Variants in TBXAS1 observed in about 807,000 individuals in gnomAD.
TBXAS1 encodes thromboxane A synthase 1.
In TBXAS1, 48 loss-of-function variants were observed where a neutral mutation model predicts 60.7. The observed-to-expected ratio is 0.79, with a 90% confidence interval of 0.63 to 1.01. TBXAS1 has a LOEUF of 1.01. TBXAS1 is among the 50% of genes least tolerant of loss of function. The probability of loss-of-function intolerance (pLI) is 0.00; values close to 1 mark genes in which losing one functional copy is unlikely to be tolerated. For missense variants in TBXAS1, 685 were observed against 686.3 expected (o/e 1.00, Z 0.02); for synonymous variants, 287 against 269.7 (o/e 1.06, Z -0.63).
At chr7:139,961,858 G>A (rs1190139519) in intron 8 of TBXAS1, 61 bp from the exon 9 acceptor site, 2 of 1,599,892 alleles carry the variant, frequency 1.3e-6, no homozygotes, top group East Asian at 2.2e-5. Context: ...TGTTCTCCAG[G>A]AAGCCTCACT....
chr7:139,881,424 T>C (rs1050821289), intron 3 of TBXAS1, among the ~76,000 whole-genome samples: 3 of 152,184 alleles, frequency 2.0e-5, no homozygotes, highest in Non-Finnish European at 2.9e-5. Context: ...AGGAATTTAT[T>C]TGGAAGATGG....
At chr7:139,799,893 CT>C (rs1436625982) in intron 4 of TBXAS1, among the ~76,000 whole-genome samples, 1 of 152,188 alleles carries the variant, frequency 6.6e-6, no homozygotes, top group East Asian at 1.9e-4. Flanking sequence ...CCCCACAAGC[CT>C]CATTACCGTT....
chr7:139,941,896 C>T (rs1808320871), intron 5 of TBXAS1, among the ~76,000 whole-genome samples: 1 of 152,044 alleles, frequency 6.6e-6, no homozygotes, highest in South Asian at 2.1e-4. Flanking sequence ...AATGTGATCC[C>T]CTGGGGACCC....
At chr7:139,888,660 G>C (rs913428622) in intron 3 of TBXAS1, among the ~76,000 whole-genome samples, 1 of 152,174 alleles carries the variant, frequency 6.6e-6, no homozygotes, top group Non-Finnish European at 1.5e-5. Context: ...ATCCAAAAAA[G>C]GAGAGGTGGC....
chr7:139,937,753 G>A (rs750202381), intron 5 of TBXAS1, among the ~76,000 whole-genome samples: 6 of 152,172 alleles, frequency 3.9e-5, no homozygotes, highest in Non-Finnish European at 7.3e-5. Flanking sequence ...CTAGTAAGCA[G>A]CAGAGCCAAA....
At chr7:139,942,036 T>C (rs1450745135) in intron 5 of TBXAS1, among the ~76,000 whole-genome samples, 1 of 152,224 alleles carries the variant, frequency 6.6e-6, no homozygotes, top group East Asian at 1.9e-4. Context: ...TAGGAATAAC[T>C]TTCTGAGACT....
At chr7:139,983,008 C>T (rs1297569831) in intron 9 of TBXAS1, among the ~76,000 whole-genome samples, 2 of 152,178 alleles carry the variant, frequency 1.3e-5, no homozygotes, top group Non-Finnish European at 2.9e-5. Context: ...CTGGGATCCA[C>T]ATTTACTTGT....
At chr7:139,978,775 CAA>C (rs35583867) in intron 9 of TBXAS1, among the ~76,000 whole-genome samples, 35 of 90,994 alleles carry the variant, frequency 3.8e-4, no homozygotes, top group Non-Finnish European at 5.3e-4. Flanking sequence ...CCTGCCTCTA[CAA>C]AAAAAAAAAA....
In TBXAS1 at chr7:139,995,706, A is replaced by G. The variant is rs75772036; in HGVS notation, c.1135-11385A>G. Among the ~76,000 whole-genome samples, 341 of 152,246 alleles carry G rather than the reference A, an allele frequency of 2.2e-3. 1 individual carries two copies. The highest frequency in any genetic ancestry group is 7.7e-3 in the African/African-American group (320 of 41,536). ...AAATCCTGCCCCACGTGGAGTCAGA[A>G]TCTTTCTTTCTGGGACTGATGCCAT... On this transcript the variant is annotated intron_variant, in intron 9 of 12. Coordinates refer to ENST00000448866, the MANE Select transcript of TBXAS1 (RefSeq NM_001061.7).
intron 10 of TBXAS1, among the ~76,000 whole-genome samples, chr7:140,009,553 T>G (rs1814367872): frequency 1.4e-5 from 2 of 147,076 alleles, no homozygotes; most frequent in South Asian, 2.2e-4. Flanking sequence ...AGCCGCCCCT[T>G]CCCCACACAT....
At chr7:139,872,715 C>T (rs575101481) in intron 2 of TBXAS1, among the ~76,000 whole-genome samples, 36 of 152,302 alleles carry the variant, frequency 2.4e-4, no homozygotes, top group Admixed American at 8.5e-4. Context: ...GACAGGCTTT[C>T]TGCATGAAAC....
intron 6 of TBXAS1, among the ~76,000 whole-genome samples, chr7:139,953,930 G>A (rs551969373): frequency 3.3e-5 from 5 of 152,192 alleles, no homozygotes; most frequent in Non-Finnish European, 5.9e-5. Flanking sequence ...CCCACAGCCC[G>A]CTGGCCACAA....
At chr7:139,926,740 CT>C (rs1379751744) in intron 4 of TBXAS1, among the ~76,000 whole-genome samples, 2 of 151,198 alleles carry the variant, frequency 1.3e-5, no homozygotes, top group African/African-American at 4.9e-5. Flanking sequence ...ATTTTTTCTA[CT>C]TTTTTGCTGT....
chr7:139,960,511 T>C (rs1810241160), intron 8 of TBXAS1, among the ~76,000 whole-genome samples: 1 of 152,100 alleles, frequency 6.6e-6, no homozygotes, highest in African/African-American at 2.4e-5. Context: ...ATCAGGAGGC[T>C]GAGGCGGGCG....
chr7:139,953,921 C>T (rs1008820301), intron 6 of TBXAS1, among the ~76,000 whole-genome samples: 9 of 152,204 alleles, frequency 5.9e-5, no homozygotes, highest in African/African-American at 2.2e-4. Context: ...TTTGTCCGAC[C>T]CACAGCCCGC....
intron 7 of TBXAS1, 81 bp downstream of exon 7, chr7:139,955,688 G>A (rs1809813937): frequency 1.9e-6 from 3 of 1,594,468 alleles, no homozygotes; most frequent in Admixed American, 1.7e-5. Flanking sequence ...TGGCTTCTGG[G>A]GCTCTGTCCC....
chr7:139,839,031 T>G (rs1474548978), intron 1 of TBXAS1, among the ~76,000 whole-genome samples: 2 of 152,220 alleles, frequency 1.3e-5, no homozygotes, highest in Non-Finnish European at 2.9e-5. Context: ...GAGGCAACCG[T>G]AAGTCCTAGC....
At chr7:139,850,115 T>A (rs960771747) in intron 1 of TBXAS1, among the ~76,000 whole-genome samples, 2 of 152,196 alleles carry the variant, frequency 1.3e-5, no homozygotes, top group African/African-American at 4.8e-5. Flanking sequence ...TTACACATCG[T>A]GAATTTAACT....
At chr7:139,846,574 G>A (rs1354079929) in intron 1 of TBXAS1, among the ~76,000 whole-genome samples, 1 of 152,152 alleles carries the variant, frequency 6.6e-6, no homozygotes, top group Non-Finnish European at 1.5e-5. Context: ...CTGCATAGAC[G>A]CTGGGCAGCT....
Sources: gnomAD v4.1 joint callset for allele counts (sites outside exome capture counted in the v4.1 genomes callset) on GRCh38, gnomAD v4.1.1 for gene constraint, MANE v1.5 for transcripts, NCBI Gene and HGNC (gene_info 2026-07-23, HGNC 2026-07-21) for gene names.